The following CSMD1 variants were observed in gnomAD, a reference collection of about 807,000 sequenced individuals.
CSMD1 encodes CUB and Sushi multiple domains 1.
CSMD1 carries 213 observed loss-of-function variants against 417.5 expected under a neutral mutation model. The ratio of observed to expected loss-of-function variants is 0.51; its 90% CI spans 0.46 to 0.57. The LOEUF (loss-of-function observed/expected upper bound fraction) is 0.57, where lower values mean the gene tolerates loss of function less well. Ranked by LOEUF, CSMD1 falls within the 20% of genes least tolerant of loss-of-function variation. The pLI, the probability that CSMD1 is intolerant of heterozygous loss-of-function variation, is 0.00. For synonymous variants in CSMD1, 2,862 were observed against 1,736.8 expected (o/e 1.65, Z -16.11); for missense variants, 6,923 against 4,529.7 (o/e 1.53, Z -15.17).
intron 3 of CSMD1, among the ~76,000 whole-genome samples, chr8:4,309,192 T>C (rs1585203930): frequency 6.6e-6 from 1 of 152,110 alleles, no homozygotes; most frequent in African/African-American, 2.4e-5. Flanking sequence ...GAAGGTTACT[T>C]TCAATTCCTA....
At chr8:3,444,684 G>A (rs987121299) in intron 12 of CSMD1, among the ~76,000 whole-genome samples, 1 of 152,116 alleles carries the variant, frequency 6.6e-6, no homozygotes, top group East Asian at 1.9e-4. Flanking sequence ...TAGGCCTGAG[G>A]CTGAGGAGGC....
chr8:3,084,303 C>T (rs1471328160), intron 49 of CSMD1, among the ~76,000 whole-genome samples: 2 of 151,778 alleles, frequency 1.3e-5, no homozygotes, highest in Non-Finnish European at 2.9e-5. Context: ...GCAGGAGGAT[C>T]ACCTGAGGTC....
intron 3 of CSMD1, among the ~76,000 whole-genome samples, chr8:4,360,543 G>A (rs905318935): frequency 3.9e-5 from 6 of 152,124 alleles, no homozygotes; most frequent in African/African-American, 1.4e-4. Flanking sequence ...AGGCTGGAGG[G>A]CAGTGGCGCG....
intron 26 of CSMD1, among the ~76,000 whole-genome samples, chr8:3,262,048 A>T (rs1274486214): frequency 3.3e-5 from 5 of 151,820 alleles, no homozygotes; most frequent in Admixed American, 2.6e-4. Context: ...TGCCACTCTA[A>T]GTGGATCTAT....
At chr8:4,447,916 A>G (rs28625918) in intron 2 of CSMD1, among the ~76,000 whole-genome samples, 11,893 of 152,262 alleles carry the variant, frequency 0.078, 1,216 homozygotes, top group African/African-American at 0.24. Flanking sequence ...TCTTTCGGAA[A>G]TGACGACAAT....
chr8:3,227,767 T>C (rs1241959630), intron 27 of CSMD1, among the ~76,000 whole-genome samples: 1 of 151,984 alleles, frequency 6.6e-6, no homozygotes, highest in Non-Finnish European at 1.5e-5. Context: ...TTTAAAACTT[T>C]TTTCTTTTTT....
At chr8:3,856,928 G>A (rs1210657765) in intron 5 of CSMD1, among the ~76,000 whole-genome samples, 1 of 152,160 alleles carries the variant, frequency 6.6e-6, no homozygotes, top group African/African-American at 2.4e-5. Flanking sequence ...CTACCACAGT[G>A]TAGCCTAGCT....
chr8:3,124,955 A>G (rs1257242213), intron 41 of CSMD1, among the ~76,000 whole-genome samples: 1 of 152,228 alleles, frequency 6.6e-6, no homozygotes, highest in Non-Finnish European at 1.5e-5. Context: ...CATCAGTTAC[A>G]CTATTTTTTG....
chr8:4,500,409 T>C, intron 2 of CSMD1, among the ~76,000 whole-genome samples: 1 of 152,136 alleles, frequency 6.6e-6, no homozygotes, highest in East Asian at 1.9e-4. Flanking sequence ...AATAATGAAC[T>C]ATTACTGTAG....
chr8:3,343,318 G>T lies in CSMD1; in HGVS notation c.3607C>A (p.Gln1203Lys), dbSNP rs1456571252. The T allele has an allele frequency of 8.1e-6, 13 of 1,613,640 alleles. No individual in the cohort carries two copies. Among genetic ancestry groups the T allele is most frequent in the Non-Finnish European group, 1.1e-5 (13 of 1,179,616 alleles). The change falls in exon 23 of 70, where the codon CAA (glutamine) becomes AAA (lysine). Residue 1203 changes from glutamine (Q) to lysine (K), a missense_variant. By Grantham distance (53) the Gln-to-Lys change is moderately conservative. Coordinates refer to ENST00000635120, the MANE Select transcript of CSMD1 (RefSeq NM_033225.6). ...CTGGTATAGGTGAGTTGAAAACCTT[G>T]GTCGGTGTCAGATCCATTGGTGTTG... The part of the protein sequence containing the change: ...EFNTNGSDTD[Q>K]GFQLTYTSFD...
chr8:4,529,033 G>C (rs187884457), intron 2 of CSMD1, among the ~76,000 whole-genome samples: 1 of 152,108 alleles, frequency 6.6e-6, no homozygotes, highest in Non-Finnish European at 1.5e-5. Flanking sequence ...TGATATATGT[G>C]AGACGGTGTT....
At chr8:4,136,336 G>C (rs546340986) in intron 3 of CSMD1, among the ~76,000 whole-genome samples, 1 of 152,244 alleles carries the variant, frequency 6.6e-6, no homozygotes, top group Admixed American at 6.5e-5. Context: ...ATCTGTTAGT[G>C]ATAATAAAAT....
chr8:3,419,463 T>C (rs1211509066), intron 12 of CSMD1, among the ~76,000 whole-genome samples: 1 of 152,212 alleles, frequency 6.6e-6, no homozygotes, highest in Non-Finnish European at 1.5e-5. Flanking sequence ...CACACATATT[T>C]GTATTTTTAA....
At chr8:3,809,629 T>G (rs1344970594) in intron 5 of CSMD1, among the ~76,000 whole-genome samples, 3 of 152,156 alleles carry the variant, frequency 2.0e-5, no homozygotes, top group Non-Finnish European at 2.9e-5. Flanking sequence ...CTGTCTCTGG[T>G]GGCGGCTAAG....
chr8:4,171,420 T>C (rs1181831614), intron 3 of CSMD1, among the ~76,000 whole-genome samples: 1 of 151,920 alleles, frequency 6.6e-6, no homozygotes, highest in Non-Finnish European at 1.5e-5. Context: ...ATTAATTACT[T>C]TGTAATACAA....
intron 17 of CSMD1, among the ~76,000 whole-genome samples, chr8:3,393,370 A>G (rs1337701546): frequency 6.6e-6 from 1 of 152,218 alleles, no homozygotes; most frequent in Non-Finnish European, 1.5e-5. Context: ...AGGGAATGCT[A>G]GACTCTCCAG....
At chr8:4,851,963 C>G (rs1233730965) in intron 1 of CSMD1, among the ~76,000 whole-genome samples, 1 of 152,134 alleles carries the variant, frequency 6.6e-6, no homozygotes, top group East Asian at 1.9e-4. Context: ...AACCACTAGT[C>G]TAAGTTTTTT....
chr8:3,345,357 C>T (rs1187313668), intron 22 of CSMD1, among the ~76,000 whole-genome samples: 1 of 152,126 alleles, frequency 6.6e-6, no homozygotes, highest in African/African-American at 2.4e-5. Flanking sequence ...CGTTCTTTAT[C>T]CATGTCATCA....
chr8:4,730,750 A>T (rs1044808275), intron 1 of CSMD1, among the ~76,000 whole-genome samples: 15 of 147,016 alleles, frequency 1.0e-4, no homozygotes, highest in Non-Finnish European at 1.6e-4. Context: ...CAAAAAAACA[A>T]ATAAAAAAAA....
Sources: gnomAD v4.1 joint callset for allele counts (sites outside exome capture counted in the v4.1 genomes callset) on GRCh38, gnomAD v4.1.1 for gene constraint, MANE v1.5 for transcripts, NCBI Gene and HGNC (gene_info 2026-07-23, HGNC 2026-07-21) for gene names.